The following SIMC1 variants were observed in gnomAD, a reference collection of about 807,000 sequenced individuals.
SIMC1 encodes SUMO interacting motifs containing 1.
In SIMC1, 55 loss-of-function variants were observed where a neutral mutation model predicts 82.3. The ratio of observed to expected loss-of-function variants is 0.67; its 90% CI spans 0.54 to 0.84. The LOEUF is 0.84. Among genes scored for constraint, SIMC1 ranks in the 40% least tolerant of loss-of-function variants. The probability of loss-of-function intolerance (pLI) is 0.00; values close to 1 mark genes in which losing one functional copy is unlikely to be tolerated. For missense variants in SIMC1, 915 were observed against 1,107.2 expected (o/e 0.83, Z 2.46); for synonymous variants, 353 against 426.3 (o/e 0.83, Z 2.12).
chr5:176,263,506 T>C, intron 1 of SIMC1: 1 of 1,495,604 alleles, frequency 6.7e-7, no homozygotes, highest in Middle Eastern at 1.7e-4. Flanking sequence ...GGAGCAGGTA[T>C]GTCTCATGGT....
At chr5:176,298,451 T>C (rs1385286038) in intron 4 of SIMC1, among the ~76,000 whole-genome samples, 1 of 152,162 alleles carries the variant, frequency 6.6e-6, no homozygotes, top group Non-Finnish European at 1.5e-5. Context: ...TCAGCCAACA[T>C]GGTGAGACCC....
chr5:176,262,465 T>G (rs1762050208), intron 1 of SIMC1, among the ~76,000 whole-genome samples: 1 of 152,160 alleles, frequency 6.6e-6, no homozygotes, highest in African/African-American at 2.4e-5. Flanking sequence ...TTCAGCATTG[T>G]ACTGGAAGTC....
intron 1 of SIMC1, among the ~76,000 whole-genome samples, chr5:176,256,585 C>T (rs1761857523): frequency 6.6e-6 from 1 of 152,132 alleles, no homozygotes; most frequent in Admixed American, 6.5e-5. Flanking sequence ...ATTTTAAAAA[C>T]ACCTTTTCTA....
intron 1 of SIMC1, among the ~76,000 whole-genome samples, chr5:176,264,878 A>G (rs1762139208): frequency 6.6e-6 from 1 of 152,196 alleles, no homozygotes; most frequent in African/African-American, 2.4e-5. Context: ...TAGTTAAGAA[A>G]AGGAAATAGG....
intron 6 of SIMC1, 39 bp from the exon 7 acceptor site, chr5:176,324,590 G>A: frequency 6.3e-7 from 1 of 1,596,494 alleles, no homozygotes; most frequent in East Asian, 2.3e-5. Context: ...CTCCTTGCCA[G>A]ACCCTCACAC....
chr5:176,341,576 C>T (rs1003921211), intron 9 of SIMC1, among the ~76,000 whole-genome samples: 2 of 152,116 alleles, frequency 1.3e-5, no homozygotes, highest in African/African-American at 2.4e-5. Flanking sequence ...GACAGAAGGA[C>T]AGTGGAGAAG....
Position 176,281,910 on chromosome 5 carries a change from C to T in SIMC1, c.130-7744C>T, listed in dbSNP as rs369824481. ...GACCAACTTGAGGAGGCAGTCTGCCCGTTCTCAGATCTCCAGCTGCGTGCT... is the reference window on the plus strand; with the variant it reads ...GACCAACTTGAGGAGGCAGTCTGCCTGTTCTCAGATCTCCAGCTGCGTGCT... On this transcript the variant is annotated intron_variant, in intron 1 of 9. Coordinates refer to ENST00000429602, the MANE Select transcript of SIMC1 (RefSeq NM_001308195.2). Among the ~76,000 whole-genome samples, 550 of 152,256 alleles carry T rather than the reference C, an allele frequency of 3.6e-3. 10 individuals carry two copies. The East Asian group carries it at 0.06, about 17-fold the overall frequency.
intron 1 of SIMC1, among the ~76,000 whole-genome samples, chr5:176,287,137 C>A (rs904829779): frequency 5.3e-5 from 8 of 152,098 alleles, no homozygotes; most frequent in African/African-American, 1.9e-4. Flanking sequence ...GGGTATATAC[C>A]CAAAGGATTA....
chr5:176,319,361 G>A (rs554381970), intron 5 of SIMC1, among the ~76,000 whole-genome samples: 1 of 151,716 alleles, frequency 6.6e-6, no homozygotes, highest in Non-Finnish European at 1.5e-5. Flanking sequence ...TTTTCTCTGT[G>A]TCTTCCTTAT....
chr5:176,248,187 T>C lies in SIMC1; in HGVS notation c.129+9550T>C, dbSNP rs182766674. Reference sequence around the variant, plus strand: ...ATGGGGATAGCATTGAATCTATAAATTTCTTTGGGCAGTATGGCCATTTTC... The same window carrying C: ...ATGGGGATAGCATTGAATCTATAAACTTCTTTGGGCAGTATGGCCATTTTC... On this transcript the variant is annotated intron_variant, in intron 1 of 9. Coordinates refer to ENST00000429602, the MANE Select transcript of SIMC1 (RefSeq NM_001308195.2). 1.5e-3 allele frequency among the ~76,000 whole-genome samples: 229 copies of C among 152,258 alleles called. 4 individuals carry two copies. Among genetic ancestry groups the C allele is most frequent in the Admixed American group, 0.014 (215 of 15,276 alleles).
chr5:176,320,801 C>G (rs1765127406), intron 5 of SIMC1, among the ~76,000 whole-genome samples: 1 of 152,018 alleles, frequency 6.6e-6, no homozygotes, highest in Non-Finnish European at 1.5e-5. Context: ...CTGCTGCTGG[C>G]TTAGGATTCA....
intron 1 of SIMC1, among the ~76,000 whole-genome samples, chr5:176,270,820 G>A (rs886379396): frequency 2.6e-5 from 4 of 152,184 alleles, no homozygotes; most frequent in Non-Finnish European, 4.4e-5. Flanking sequence ...CCTAGCAGTC[G>A]GAACTTGAGT....
Position 176,345,377 on chromosome 5 carries a change from C to T in SIMC1, c.2608C>T (p.Leu870=). The T allele has an allele frequency of 1.2e-6, 2 of 1,613,994 alleles. No homozygotes were observed. The highest frequency in any genetic ancestry group is 1.7e-6 in the Non-Finnish European group (2 of 1,179,896). The change falls in exon 10 of 10, where the codon CTG becomes TTG. Residue 870 remains leucine, a synonymous_variant. Coordinates refer to ENST00000429602, the MANE Select transcript of SIMC1 (RefSeq NM_001308195.2). ...LQDKVHLLKL[L]LFYAADLNPD... ...AGACAAAGTGCACTTGTTGAAGCTCCTGCTCTTCTATGCTGCGGACTTGAA... is the reference window on the plus strand; with the variant it reads ...AGACAAAGTGCACTTGTTGAAGCTCTTGCTCTTCTATGCTGCGGACTTGAA...
In SIMC1 at chr5:176,290,645, C is replaced by T. The variant is rs1763515541; in HGVS notation, c.1121C>T (p.Thr374Ile). Residue 374 changes from threonine (T) to isoleucine (I), a missense_variant, in exon 2 of 10, where the codon ACC becomes ATC. Transcript: ENST00000429602. ...TTACCAGGAGACAGGCCTGACTTTA[C>T]CCAGAATGATGTACAGAACCGTGAC... ...PHLPGDRPDF[T>I]QNDVQNRDMP... 1 of 1,613,886 alleles carries T rather than the reference C, an allele frequency of 6.2e-7. No homozygotes were observed. The highest frequency in any genetic ancestry group is 1.3e-5 in the African/African-American group (1 of 74,918).
chr5:176,261,540 A>G (rs189521197), intron 1 of SIMC1, among the ~76,000 whole-genome samples: 8,778 of 152,010 alleles, frequency 0.058, 343 homozygotes, highest in African/African-American at 0.11. Flanking sequence ...TGAGGCTGGG[A>G]GTTTGAGACC....
intron 2 of SIMC1, among the ~76,000 whole-genome samples, chr5:176,291,641 G>A (rs1458634585): frequency 6.7e-6 from 1 of 149,768 alleles, no homozygotes; most frequent in South Asian, 2.1e-4. Flanking sequence ...TGGCACGCCC[G>A]GCTAATTTTT....
chr5:176,331,743 C>T (rs1408894116), intron 7 of SIMC1, among the ~76,000 whole-genome samples: 1 of 151,888 alleles, frequency 6.6e-6, no homozygotes, highest in South Asian at 2.1e-4. Context: ...CCAAGGTGGG[C>T]GAATCAGCTG....
chr5:176,242,148 G>T (rs1581209374), intron 1 of SIMC1, among the ~76,000 whole-genome samples: 1 of 152,212 alleles, frequency 6.6e-6, no homozygotes, highest in Admixed American at 6.5e-5. Flanking sequence ...GTTTTAAGTG[G>T]ATCCTCACAA....
At chr5:176,293,739 C>A (rs1253437948) in intron 2 of SIMC1, among the ~76,000 whole-genome samples, 2 of 139,592 alleles carry the variant, frequency 1.4e-5, no homozygotes, top group African/African-American at 2.8e-5. Context: ...CAGAGCCAGA[C>A]TTCATCTCAA....
Sources: gnomAD v4.1 joint callset for allele counts (sites outside exome capture counted in the v4.1 genomes callset) on GRCh38, gnomAD v4.1.1 for gene constraint, MANE v1.5 for transcripts, NCBI Gene and HGNC (gene_info 2026-07-23, HGNC 2026-07-21) for gene names.